RSPRY1: variants seen among roughly 807,000 people sequenced by gnomAD.
RSPRY1 encodes ring finger and SPRY domain containing 1.
In RSPRY1, 23 loss-of-function variants were observed where a neutral mutation model predicts 73.1. The ratio of observed to expected loss-of-function variants is 0.31; its 90% confidence interval spans 0.23 to 0.45. The LOEUF (loss-of-function observed/expected upper bound fraction) is 0.45. Ranked by LOEUF, RSPRY1 falls within the 20% of genes least tolerant of loss-of-function variation. RSPRY1 has a pLI of 1.00. For missense variants in RSPRY1, 448 were observed against 698.7 expected (o/e 0.64, Z 4.05); for synonymous variants, 226 against 251.4 (o/e 0.90, Z 0.95).
chr16:57,207,323 C>CT lies in RSPRY1; in HGVS notation c.351-724dup, dbSNP rs1381460314. Among the ~76,000 whole-genome samples the CT allele has an allele frequency of 3.9e-3, 558 of 144,612 alleles. 6 individuals carry two copies. Among genetic ancestry groups the CT allele is most frequent in the Admixed American group, 0.022 (323 of 14,506 alleles). The allele number at this position is 144,612 out of a possible 152,430, so 94.9% of individuals were successfully genotyped here. On this transcript the variant is annotated intron_variant, in intron 2 of 14. Transcript: ENST00000394420. ...TGACTTAAGATGATAGTTTTTGGGG[C>CT]TTTTTTTTTTTCCACACTAAAACAG...
intron 14 of RSPRY1, among the ~76,000 whole-genome samples, chr16:57,238,321 G>T (rs1274058878): frequency 6.6e-6 from 1 of 152,138 alleles, no homozygotes; most frequent in Non-Finnish European, 1.5e-5. Context: ...TTGACATGCT[G>T]ATTTAAAAGT....
chr16:57,186,351 G>C lies in RSPRY1; in HGVS notation c.-256G>C, dbSNP rs1333944903. Reference sequence around the variant, plus strand: ...GGGCTCTGCGCGTAATGGCAGCGCCGTGGCCTCGCGTCCATCTTTGCCGTT... The same window carrying C: ...GGGCTCTGCGCGTAATGGCAGCGCCCTGGCCTCGCGTCCATCTTTGCCGTT... On this transcript the variant is annotated 5_prime_UTR_variant, in exon 1 of 15. Transcript: ENST00000394420. The C allele has an allele frequency of 5.5e-6, 1 of 180,468 alleles. No homozygotes were observed. The highest frequency in any genetic ancestry group is 1.1e-5 in the Non-Finnish European group (1 of 92,936). 11.2% of individuals were successfully genotyped at this position (180,468 alleles called of 1,614,324 possible).
intron 9 of RSPRY1, 38 bp from the exon 10 acceptor site, chr16:57,221,234 C>T: frequency 5.0e-6 from 8 of 1,608,834 alleles, no homozygotes; most frequent in Non-Finnish European, 6.8e-6. Flanking sequence ...GGTCTTCAGG[C>T]CCTCATAGTT....
chr16:57,195,785 G>T (rs1164029670), intron 1 of RSPRY1, among the ~76,000 whole-genome samples: 2 of 151,588 alleles, frequency 1.3e-5, no homozygotes, highest in African/African-American at 4.8e-5. Context: ...CACTTTGGGA[G>T]GCTGAAGTGG....
At chr16:57,237,248 A>G (rs987548868) in intron 14 of RSPRY1, among the ~76,000 whole-genome samples, 55 of 151,756 alleles carry the variant, frequency 3.6e-4, no homozygotes, top group African/African-American at 1.2e-3. Flanking sequence ...GGTTCATGCA[A>G]TTCTCCTGCC....
rs562681762 is a variant in RSPRY1, at chr16:57,230,220, A to G, written c.1274-491A>G. On this transcript the variant is annotated intron_variant, in intron 11 of 14. Coordinates refer to ENST00000394420, the MANE Select transcript of RSPRY1 (RefSeq NM_133368.3). Reference sequence around the variant, plus strand: ...GAGACGGGGTTTCACCATGTTGGCCAGGCTGGTCTTCAAACTCCTGACCTC... The same window carrying G: ...GAGACGGGGTTTCACCATGTTGGCCGGGCTGGTCTTCAAACTCCTGACCTC... Among the ~76,000 whole-genome samples, 3 of 150,912 alleles carry G rather than the reference A, an allele frequency of 2.0e-5. No homozygotes were observed. The South Asian group carries it at 6.3e-4, about 32-fold the overall frequency.
In RSPRY1 at chr16:57,216,118, C is replaced by T. The variant is rs1285248721; in HGVS notation, c.714C>T (p.Ser238=). ...EYLLQCLKLQ[S]HPTVMLFALI... The stretch of plus-strand genomic sequence containing the variant: ...TTGTTGTTTTTCAGAAGTTACAGTC[C>T]CACCCCACAGTCATGCTTTTTGCAC... The change falls in exon 7 of 15, where the codon TCC becomes TCT. Residue 238 remains serine (S), a synonymous_variant. Transcript: ENST00000394420. 1 of 1,608,638 alleles carries T rather than the reference C, an allele frequency of 6.2e-7. No individual in the cohort carries two copies.
chr16:57,222,945 G>T (rs560639781), intron 10 of RSPRY1, among the ~76,000 whole-genome samples: 2 of 152,220 alleles, frequency 1.3e-5, no homozygotes, highest in East Asian at 3.9e-4. Flanking sequence ...TATAACTTTT[G>T]CCATGTAGTT....
chr16:57,223,106 C>T (rs1029835328), intron 10 of RSPRY1, among the ~76,000 whole-genome samples: 1 of 152,128 alleles, frequency 6.6e-6, no homozygotes, highest in Non-Finnish European at 1.5e-5. Flanking sequence ...AAGTCTGATA[C>T]GATGTCTTTT....
chr16:57,236,565 A>G (rs1341823980), intron 14 of RSPRY1, among the ~76,000 whole-genome samples: 3 of 152,186 alleles, frequency 2.0e-5, no homozygotes, highest in African/African-American at 4.8e-5. Flanking sequence ...AGAAGTTAAA[A>G]TGGTTATCAA....
At chr16:57,238,792 G>T in intron 14 of RSPRY1, 87 bp from the exon 15 acceptor site, 1 of 639,472 alleles carries the variant, frequency 1.6e-6, no homozygotes, top group Non-Finnish European at 2.7e-6. Context: ...GAACAAACTT[G>T]TTAACATTTT....
intron 14 of RSPRY1, among the ~76,000 whole-genome samples, chr16:57,237,669 G>T (rs1758368584): frequency 6.6e-6 from 1 of 151,850 alleles, no homozygotes; most frequent in Non-Finnish European, 1.5e-5. Context: ...CCAAATGCTA[G>T]TATCTCTTTA....
chr16:57,192,658 C>T (rs1368738616), intron 1 of RSPRY1, among the ~76,000 whole-genome samples: 2 of 150,224 alleles, frequency 1.3e-5, no homozygotes, highest in African/African-American at 2.5e-5. Flanking sequence ...TGCACTGCTA[C>T]TAGGTTAAAA....
chr16:57,209,226 G>T (rs371095165), intron 4 of RSPRY1, 39 bp downstream of exon 4: 7 of 1,324,418 alleles, frequency 5.3e-6, no homozygotes, highest in Non-Finnish European at 7.6e-6. Context: ...TATCATTTGT[G>T]CTTAAGCACA....
intron 8 of RSPRY1, among the ~76,000 whole-genome samples, chr16:57,219,485 T>G (rs1169976015): frequency 7.9e-5 from 12 of 152,250 alleles, no homozygotes; most frequent in Admixed American, 7.2e-4. Flanking sequence ...ATTCGGATGT[T>G]TTGCCCACTT....
At chr16:57,187,373 G>A (rs1230768148) in intron 1 of RSPRY1, among the ~76,000 whole-genome samples, 1 of 152,198 alleles carries the variant, frequency 6.6e-6, no homozygotes, top group South Asian at 2.1e-4. Flanking sequence ...GTCCTGTCTT[G>A]TATAGTTCTC....
At chr16:57,223,761 G>A (rs2146335935) in intron 10 of RSPRY1, among the ~76,000 whole-genome samples, 1 of 152,284 alleles carries the variant, frequency 6.6e-6, no homozygotes, top group Non-Finnish European at 1.5e-5. Flanking sequence ...GATAGAGTGA[G>A]ACTCTGTCTC....
intron 14 of RSPRY1, among the ~76,000 whole-genome samples, chr16:57,236,763 ATTT>A (rs1205770620): frequency 2.0e-5 from 3 of 152,162 alleles, no homozygotes; most frequent in Admixed American, 2.0e-4. Context: ...AGAAAAAACT[ATTT>A]TTTTATGAAT....
At chr16:57,208,138 T>C in intron 3 of RSPRY1, 28 bp downstream of exon 3, 1 of 1,307,216 alleles carries the variant, frequency 7.6e-7, no homozygotes, top group Non-Finnish European at 1.1e-6. Flanking sequence ...TTCATTACTT[T>C]ATAATGAATA....
Sources: allele counts gnomAD v4.1 joint callset (sites outside exome capture counted in the v4.1 genomes callset), GRCh38; gene constraint gnomAD v4.1.1; transcripts MANE v1.5; gene names NCBI Gene and HGNC (gene_info 2026-07-23, HGNC 2026-07-21).